The following TANGO6 variants were observed in gnomAD, a reference collection of about 807,000 sequenced individuals.
TANGO6 encodes transport and golgi organization 6 homolog.
Under a neutral mutation model 114.2 loss-of-function variants are expected in TANGO6, and 90 were observed. That is an observed-to-expected ratio of 0.79 (90% CI 0.66 to 0.94). The LOEUF is 0.94. TANGO6 is among the 40% of genes least tolerant of loss of function. The probability of loss-of-function intolerance (pLI) is 0.00; values close to 1 mark genes in which losing one functional copy is unlikely to be tolerated. For synonymous variants in TANGO6, 477 were observed against 509.8 expected (o/e 0.94, Z 0.87); for missense variants, 1,274 against 1,315.3 (o/e 0.97, Z 0.49).
At chr16:69,012,504 C>G (rs1418341899) in intron 15 of TANGO6, among the ~76,000 whole-genome samples, 1 of 127,982 alleles carries the variant, frequency 7.8e-6, no homozygotes, top group Non-Finnish European at 1.5e-5. Flanking sequence ...TGCAGGAAGC[C>G]AAGATCGTGC....
chr16:68,943,925 G>A (rs1402871598), intron 14 of TANGO6, among the ~76,000 whole-genome samples: 4 of 152,312 alleles, frequency 2.6e-5, no homozygotes, highest in African/African-American at 7.2e-5. Flanking sequence ...TTAGCTTAGA[G>A]CAAGAGAGTA....
chr16:69,012,556 CAAAAAAAAAAAAAAAAAAAAAAGGAAAA>C (rs1234276532), intron 15 of TANGO6, among the ~76,000 whole-genome samples: 3 of 36,512 alleles, frequency 8.2e-5, no homozygotes, highest in Non-Finnish European at 1.5e-4. Flanking sequence ...AACTCTGTCT[CAAAAAAAAAAAAAAAAAAAAAAGGAAAA>C]AAAAAAAAAA....
chr16:68,860,051 G>C lies in TANGO6; in HGVS notation c.262G>C (p.Val88Leu), dbSNP rs1250126600. The C allele has an allele frequency of 6.8e-6, 11 of 1,613,878 alleles. No individual in the cohort carries two copies. The highest frequency in any genetic ancestry group is 9.3e-6 in the Non-Finnish European group (11 of 1,179,910). Reference protein sequence around the residue: ...ADKAEWPQNSVDVTWSFTSQT... With the variant: ...ADKAEWPQNSLDVTWSFTSQT... ...TAAGGCAGAATGGCCACAAAACTCT[G>C]TGGATGTCACTTGGAGTTTTACCTC... The change falls in exon 2 of 18, where the codon GTG becomes CTG. Residue 88 changes from valine to leucine, a missense_variant. Val to Leu is a conservative substitution (Grantham distance 32). Around this residue, in one of 5 missense-constraint regions of TANGO6, gnomAD observed 114 missense variants for 104.6 expected, o/e 1.09. Coordinates refer to ENST00000261778, the MANE Select transcript of TANGO6 (RefSeq NM_024562.2).
At chr16:69,069,952 A>C (rs1209988716) in intron 17 of TANGO6, among the ~76,000 whole-genome samples, 1 of 151,868 alleles carries the variant, frequency 6.6e-6, no homozygotes, top group Non-Finnish European at 1.5e-5. Context: ...CATGCCTGTA[A>C]TCCCAGCACT....
intron 15 of TANGO6, among the ~76,000 whole-genome samples, chr16:68,989,443 T>G (rs1290964835): frequency 2.0e-5 from 3 of 152,218 alleles, no homozygotes; most frequent in African/African-American, 7.2e-5. Context: ...TATTGTATTT[T>G]GCATTTCTAG....
Position 69,028,023 on chromosome 16 carries a change from G to A in TANGO6, c.2994+5044G>A, listed in dbSNP as rs61639115. Reference sequence around the variant, plus strand: ...TGCCCAGGCTGGAGTGCAGTGGCACGATCTCTGCTCACTGCAACCTCCACC... The same window carrying A: ...TGCCCAGGCTGGAGTGCAGTGGCACAATCTCTGCTCACTGCAACCTCCACC... On this transcript the variant is annotated intron_variant, in intron 16 of 17. Transcript: ENST00000261778. Among the ~76,000 whole-genome samples, 1,441 of 151,984 alleles carry A rather than the reference G, an allele frequency of 9.5e-3. 22 individuals are homozygous for A. Among genetic ancestry groups the A allele is most frequent in the African/African-American group, 0.033 (1,366 of 41,458 alleles).
chr16:68,990,244 G>T (rs1458703849), intron 15 of TANGO6, among the ~76,000 whole-genome samples: 1 of 152,156 alleles, frequency 6.6e-6, no homozygotes, highest in Non-Finnish European at 1.5e-5. Context: ...CCGAGACTGG[G>T]TAATTTATAA....
At chr16:68,918,092 T>C (rs1482767208) in intron 11 of TANGO6, among the ~76,000 whole-genome samples, 1 of 151,892 alleles carries the variant, frequency 6.6e-6, no homozygotes, top group Non-Finnish European at 1.5e-5. Flanking sequence ...AATTTTTTGG[T>C]AGAGACAGGG....
chr16:68,950,637 G>A (rs1197478554), intron 14 of TANGO6, among the ~76,000 whole-genome samples: 4 of 150,982 alleles, frequency 2.6e-5, no homozygotes, highest in East Asian at 4.0e-4. Context: ...GAGGTGGGTC[G>A]ATCACGAGTT....
chr16:68,893,692 C>T (rs562941774), intron 7 of TANGO6, among the ~76,000 whole-genome samples: 2 of 145,022 alleles, frequency 1.4e-5, no homozygotes, highest in South Asian at 2.1e-4. Context: ...GCCAAGATCA[C>T]GCCACTGCAT....
chr16:69,061,524 G>C (rs1282542500), intron 17 of TANGO6, among the ~76,000 whole-genome samples: 1 of 152,012 alleles, frequency 6.6e-6, no homozygotes, highest in Admixed American at 6.6e-5. Context: ...CCGCACTCCA[G>C]CCTAGGCGAC....
chr16:68,920,047 C>CA (rs1267661794), intron 12 of TANGO6, among the ~76,000 whole-genome samples: 2 of 152,060 alleles, frequency 1.3e-5, no homozygotes, highest in African/African-American at 4.8e-5. Flanking sequence ...AACTCCATCT[C>CA]AAAAAAAATT....
intron 11 of TANGO6, among the ~76,000 whole-genome samples, chr16:68,917,203 C>T (rs371851586): frequency 6.6e-6 from 1 of 152,112 alleles, no homozygotes; most frequent in South Asian, 2.1e-4. Context: ...TAGTAATATG[C>T]ATTCGAGTTT....
intron 7 of TANGO6, among the ~76,000 whole-genome samples, chr16:68,893,069 T>G (rs956140186): frequency 6.6e-6 from 1 of 152,212 alleles, no homozygotes; most frequent in Non-Finnish European, 1.5e-5. Context: ...GAGGAAGAGT[T>G]AGAAACTTGT....
chr16:68,986,632 G>A (rs759055920), intron 15 of TANGO6, among the ~76,000 whole-genome samples: 10 of 152,068 alleles, frequency 6.6e-5, no homozygotes, highest in South Asian at 2.1e-4. Context: ...TGGGCCGGGC[G>A]CAGTGGCTCA....
At chr16:68,949,003 A>G (rs1963444294) in intron 14 of TANGO6, among the ~76,000 whole-genome samples, 1 of 152,138 alleles carries the variant, frequency 6.6e-6, no homozygotes, top group Non-Finnish European at 1.5e-5. Flanking sequence ...CCTGACCAAC[A>G]TGGAGAAACC....
At chr16:68,966,293 G>A (rs1963644707) in intron 14 of TANGO6, among the ~76,000 whole-genome samples, 1 of 151,926 alleles carries the variant, frequency 6.6e-6, no homozygotes, top group Admixed American at 6.6e-5. Context: ...GGAGGCCAAG[G>A]CAGGTGGATT....
At position 68,945,494 on chromosome 16, in the gene TANGO6, A is replaced by G. The variant is rs182930484; in HGVS notation, c.2701+15199A>G. ...CGTGCTTTGTTTCCCTGGCCTCTCA[A>G]CTCTTAGGTGGGTATGACAAAAATG... On this transcript the variant is annotated intron_variant, in intron 14 of 17. Coordinates refer to ENST00000261778, the MANE Select transcript of TANGO6 (RefSeq NM_024562.2). 4.1e-3 allele frequency among the ~76,000 whole-genome samples: 629 copies of G among 152,092 alleles called. 3 individuals carry two copies. Among genetic ancestry groups the G allele is most frequent in the Non-Finnish European group, 7.5e-3 (513 of 67,978 alleles).
chr16:68,945,663 T>C (rs1203025040), intron 14 of TANGO6, among the ~76,000 whole-genome samples: 1 of 152,070 alleles, frequency 6.6e-6, no homozygotes, highest in Non-Finnish European at 1.5e-5. Context: ...AAATCTTCAT[T>C]AGAGAAGTGT....
Sources: gnomAD v4.1 joint callset for allele counts (sites outside exome capture counted in the v4.1 genomes callset) on GRCh38, gnomAD v4.1.1 for gene constraint, gnomAD v4.1.1 regional missense constraint, MANE v1.5 for transcripts, NCBI Gene and HGNC (gene_info 2026-07-23, HGNC 2026-07-21) for gene names.